PDLIM1: variants seen among roughly 807,000 people sequenced by gnomAD.
PDLIM1 encodes the protein PDZ and LIM domain protein 1.
PDLIM1 carries 25 observed loss-of-function variants against 35.2 expected under a neutral mutation model. The observed-to-expected ratio is 0.71, with a 90% CI of 0.52 to 0.99. The LOEUF (loss-of-function observed/expected upper bound fraction) is 0.99, where lower values mean the gene tolerates loss of function less well. Ranked by LOEUF, PDLIM1 falls within the 50% of genes least tolerant of loss-of-function variation. PDLIM1 has a pLI of 0.00. For synonymous variants in PDLIM1, 152 were observed against 154.0 expected, an observed-to-expected ratio of 0.99 and a Z score of 0.10; for missense variants, 363 against 415.3, an observed-to-expected ratio of 0.87 and a Z score of 1.09.
chr10:95,289,160 C>G (rs1029644880), intron 1 of PDLIM1, among the ~76,000 whole-genome samples: 2 of 152,212 alleles, frequency 1.3e-5, no homozygotes, highest in Non-Finnish European at 2.9e-5. Flanking sequence ...ATATAAATCT[C>G]AGAAGTGGAG....
chr10:95,241,190 T>C (rs920527460), intron 5 of PDLIM1, among the ~76,000 whole-genome samples: 1 of 152,238 alleles, frequency 6.6e-6, no homozygotes, highest in African/African-American at 2.4e-5. Context: ...CCCTGTATGC[T>C]GACCAATCCT....
Position 95,258,213 on chromosome 10 carries a change from C to T in PDLIM1, c.533+5651G>A, listed in dbSNP as rs999725287. Among the ~76,000 whole-genome samples the T allele has an allele frequency of 5.3e-5, 8 of 151,596 alleles. No individual in the cohort carries two copies. In the East Asian group the frequency reaches 1.6e-3, roughly 29 times the overall value. ...CTCACACTTCGTCCCTCCCACAACA[C>T]GTGGAATTCAAGATGGGATCTCGGC... On this transcript the variant is annotated intron_variant, in intron 4 of 6. Transcript: ENST00000329399.
chr10:95,271,568 C>A, intron 2 of PDLIM1, 65 bp downstream of exon 2: 1 of 1,408,858 alleles, frequency 7.1e-7, no homozygotes, highest in Non-Finnish European at 9.7e-7. Context: ...ATAGGGAAGG[C>A]AGTCCCTGCC....
intron 1 of PDLIM1, among the ~76,000 whole-genome samples, chr10:95,279,419 A>G (rs979450639): frequency 2.0e-5 from 3 of 152,258 alleles, no homozygotes; most frequent in Non-Finnish European, 4.4e-5. Flanking sequence ...ATACCACAAT[A>G]TAACTACCTT....
chr10:95,238,626 C>T lies in PDLIM1; in HGVS notation c.745G>A (p.Ala249Thr), dbSNP rs145894144. ...SVKAPVTKVAASIGNAQKLPM... is the reference protein window; with the variant it reads ...SVKAPVTKVATSIGNAQKLPM... ...AACTTCTGAGCATTTCCAATCGACG[C>T]AGCCACTTTAGTGACAGGAGCTTTA... Residue 249 changes from alanine (A) to threonine (T), a missense_variant, in exon 6 of 7, where the codon GCG (alanine) becomes ACG (threonine). Coordinates refer to ENST00000329399, the MANE Select transcript of PDLIM1 (RefSeq NM_020992.4). 13 of 1,614,016 alleles carry T rather than the reference C, an allele frequency of 8.1e-6. No individual in the cohort carries two copies. The African/African-American group carries it at 1.6e-4, about 20-fold the overall frequency.
At chr10:95,259,092 C>T (rs1373556164) in intron 4 of PDLIM1, among the ~76,000 whole-genome samples, 1 of 151,942 alleles carries the variant, frequency 6.6e-6, no homozygotes, top group East Asian at 1.9e-4. Context: ...CATGAGAAAC[C>T]CTTGCAGAGA....
At chr10:95,240,754 T>A (rs2035171176) in intron 5 of PDLIM1, among the ~76,000 whole-genome samples, 1 of 152,072 alleles carries the variant, frequency 6.6e-6, no homozygotes. Context: ...CAGATAACAA[T>A]CATCTCCTAC....
Position 95,238,219 on chromosome 10 carries a change from A to G in PDLIM1, c.804-108T>C, listed in dbSNP as rs1011505051. 9 of 980,106 alleles carry G rather than the reference A, an allele frequency of 9.2e-6. No individual in the cohort carries two copies. In the African/African-American group the frequency reaches 1.3e-4, roughly 14 times the overall value. 60.7% of individuals were successfully genotyped at this position (980,106 alleles called of 1,614,324 possible). ...GAGCAGGGGCCTGGGGCTTCTCCCC[A>G]GGAACCCATCACAGGGGAAACCAGG... On this transcript the variant is annotated intron_variant, in intron 6 of 6. Coordinates refer to ENST00000329399, the MANE Select transcript of PDLIM1 (RefSeq NM_020992.4).
At chr10:95,289,122 CACT>C (rs2035629044) in intron 1 of PDLIM1, among the ~76,000 whole-genome samples, 1 of 152,200 alleles carries the variant, frequency 6.6e-6, no homozygotes, top group Admixed American at 6.5e-5. Flanking sequence ...ATACATCCTC[CACT>C]ACTTAAAAAA....
intron 3 of PDLIM1, among the ~76,000 whole-genome samples, chr10:95,268,195 T>A (rs2035431224): frequency 6.6e-6 from 1 of 152,224 alleles, no homozygotes; most frequent in Non-Finnish European, 1.5e-5. Context: ...AAATTCTATC[T>A]GGGTGACAAA....
chr10:95,261,407 G>GC (rs1459383704), intron 4 of PDLIM1, among the ~76,000 whole-genome samples: 2 of 151,902 alleles, frequency 1.3e-5, no homozygotes, highest in African/African-American at 2.4e-5. Context: ...GGGATCACAG[G>GC]CCCCCAGTGT....
chr10:95,281,444 G>T (rs746135705), intron 1 of PDLIM1, among the ~76,000 whole-genome samples: 1 of 152,166 alleles, frequency 6.6e-6, no homozygotes, highest in Non-Finnish European at 1.5e-5. Flanking sequence ...CAGGCATGTA[G>T]TCCCAGCTAC....
intron 1 of PDLIM1, among the ~76,000 whole-genome samples, chr10:95,283,981 C>CTCTGTGTGTG (rs143926521): frequency 4.5e-4 from 68 of 150,324 alleles, no homozygotes; most frequent in South Asian, 3.6e-3. Flanking sequence ...GCCTTTTTCT[C>CTCTGTGTGTG]TGTGTGTGTG....
intron 1 of PDLIM1, among the ~76,000 whole-genome samples, chr10:95,280,325 A>G (rs1395930745): frequency 6.6e-6 from 1 of 152,204 alleles, no homozygotes; most frequent in Non-Finnish European, 1.5e-5. Flanking sequence ...CAATGAGCCA[A>G]GATCACCCCA....
intron 5 of PDLIM1, 135 bp from the exon 6 acceptor site, chr10:95,238,820 G>T (rs1249872652): frequency 8.3e-6 from 5 of 600,930 alleles, no homozygotes; most frequent in African/African-American, 7.4e-5. Context: ...CTGTGATCCT[G>T]GGCAAGTAAC....
chr10:95,283,990 T>C (rs2035580984), intron 1 of PDLIM1, among the ~76,000 whole-genome samples: 1 of 150,378 alleles, frequency 6.6e-6, no homozygotes, highest in Non-Finnish European at 1.5e-5. Flanking sequence ...TCTGTGTGTG[T>C]GTGTGTGTGT....
At chr10:95,239,937 T>G (rs368359215) in intron 5 of PDLIM1, among the ~76,000 whole-genome samples, 19 of 151,846 alleles carry the variant, frequency 1.3e-4, no homozygotes, top group African/African-American at 3.9e-4. Context: ...AAAACCACAA[T>G]GAGATACCGA....
chr10:95,268,827 T>C lies in PDLIM1; in HGVS notation c.284A>G (p.Glu95Gly), dbSNP rs1371804414. 6.2e-7 allele frequency: 1 copy of C among 1,613,280 alleles called. No homozygotes were observed. The highest frequency in any genetic ancestry group is 1.7e-5 in the Admixed American group (1 of 60,020). The change falls in exon 3 of 7, where the codon GAG becomes GGG. Residue 95 changes from glutamate (E) to glycine (G), a missense_variant. Physicochemically the swap from Glu to Gly is moderately conservative, Grantham distance 98. Transcript: ENST00000329399. ...EHKVWSPLVT[E>G]EGKRHPYKMN... Reference sequence around the variant, plus strand: ...CTTGTATGGATGACGCTTCCCTTCCTCCGTCACCAGAGGAGACCAGACTTT... The same window carrying C: ...CTTGTATGGATGACGCTTCCCTTCCCCCGTCACCAGAGGAGACCAGACTTT...
chr10:95,260,839 A>G (rs2035355299), intron 4 of PDLIM1, among the ~76,000 whole-genome samples: 1 of 152,214 alleles, frequency 6.6e-6, no homozygotes, highest in African/African-American at 2.4e-5. Flanking sequence ...GTGCTGACTG[A>G]GCAAGCAAAG....
Sources: gnomAD v4.1 joint callset for allele counts (sites outside exome capture counted in the v4.1 genomes callset) on GRCh38, gnomAD v4.1.1 for gene constraint, MANE v1.5 for transcripts, NCBI Gene and HGNC (gene_info 2026-07-23, HGNC 2026-07-21) for gene names.